IFT140: variants seen among roughly 807,000 people sequenced by gnomAD.
IFT140 encodes intraflagellar transport 140.
A neutral mutation model predicts 164.6 loss-of-function variants in IFT140; 133 were observed. That is an observed-to-expected ratio of 0.81 (90% CI 0.70 to 0.93). IFT140 has a LOEUF of 0.93. Ranked by LOEUF, IFT140 falls within the 40% of genes least tolerant of loss-of-function variation. The probability of loss-of-function intolerance (pLI) is 0.00; values close to 1 mark genes in which losing one functional copy is unlikely to be tolerated. For synonymous variants in IFT140, 860 were observed against 817.3 expected, an observed-to-expected ratio of 1.05 and a Z score of -0.89; for missense variants, 2,045 against 1,972.3, an observed-to-expected ratio of 1.04 and a Z score of -0.70.
intron 19 of IFT140, among the ~76,000 whole-genome samples, chr16:1,538,981 C>A (rs1328169903): frequency 6.6e-6 from 1 of 152,298 alleles, no homozygotes. Flanking sequence ...CTACCTCAGG[C>A]CTCACCAAGC....
chr16:1,537,085 C>T (rs1333625570), intron 19 of IFT140, among the ~76,000 whole-genome samples: 1 of 152,248 alleles, frequency 6.6e-6, no homozygotes, highest in African/African-American at 2.4e-5. Context: ...TAAAATCACC[C>T]AGCACGTATG....
At chr16:1,544,096 C>A (rs1356948040) in intron 19 of IFT140, among the ~76,000 whole-genome samples, 1 of 151,266 alleles carries the variant, frequency 6.6e-6, no homozygotes, top group Non-Finnish European at 1.5e-5. Context: ...CGGCTCACTG[C>A]AACCTCTGCC....
chr16:1,540,547 G>A (rs538497730), intron 19 of IFT140, among the ~76,000 whole-genome samples: 1 of 152,324 alleles, frequency 6.6e-6, no homozygotes, highest in Non-Finnish European at 1.5e-5. Flanking sequence ...AGTCACCCTA[G>A]AGGCCAGCAC....
In IFT140 at chr16:1,602,493, A is replaced by G. The variant is rs752449426; in HGVS notation, c.246T>C (p.Thr82=). Reference sequence around the variant, plus strand: ...GCTTGTTAAACACCGTCACTTCTCCAGTCTCCCAGCCCACAGCCAGCACCA... The same window carrying G: ...GCTTGTTAAACACCGTCACTTCTCCGGTCTCCCAGCCCACAGCCAGCACCA... ...TRLVLAVGWE[T]GEVTVFNKQD... is the part of the protein sequence containing the mutation. Residue 82 remains threonine (T), a synonymous_variant, in exon 4 of 31, where the codon ACT becomes ACC. Coordinates refer to ENST00000426508, the MANE Select transcript of IFT140 (RefSeq NM_014714.4). 6.2e-7 allele frequency: 1 copy of G among 1,614,032 alleles called. No homozygotes were observed. Among genetic ancestry groups the G allele is most frequent in the Non-Finnish European group, 8.5e-7 (1 of 1,180,032 alleles).
intron 19 of IFT140, among the ~76,000 whole-genome samples, chr16:1,530,281 C>T (rs761272687): frequency 7.3e-5 from 11 of 151,682 alleles, no homozygotes; most frequent in Non-Finnish European, 1.2e-4. Context: ...TACAGGCATG[C>T]GCCACCACAC....
chr16:1,588,720 G>C (rs1352221756), intron 7 of IFT140, among the ~76,000 whole-genome samples: 1 of 152,070 alleles, frequency 6.6e-6, no homozygotes. Context: ...ACCGGCCAGT[G>C]AGGAACTGAG....
chr16:1,587,232 C>A lies in IFT140; in HGVS notation c.975G>T (p.Glu325Asp), dbSNP rs1330112951. Residue 325 changes from glutamate to aspartate, a missense_variant, in exon 9 of 31, where the codon GAG (glutamate) becomes GAT (aspartate). Physicochemically the swap from Glu to Asp is conservative, Grantham distance 45. Coordinates refer to ENST00000426508, the MANE Select transcript of IFT140 (RefSeq NM_014714.4). ...TACAGTAACACACACAGTTCATATT[C>A]TCTCCTTTCTCAAAGCCAAACTTCT... ...PDEKFGFEKGENMNCVCYCKV... is the reference protein window; with the variant it reads ...PDEKFGFEKGDNMNCVCYCKV... 3 of 1,612,278 alleles carry A rather than the reference C, an allele frequency of 1.9e-6. No individual in the cohort carries two copies. The highest frequency in any genetic ancestry group is 3.3e-5 in the Admixed American group (2 of 60,022).
At chr16:1,544,448 G>A (rs2031966331) in intron 19 of IFT140, among the ~76,000 whole-genome samples, 2 of 151,894 alleles carry the variant, frequency 1.3e-5, no homozygotes, top group Admixed American at 6.6e-5. Context: ...GCCTCCCAAA[G>A]TGCTAGGATT....
intron 19 of IFT140, chr16:1,557,700 T>A: frequency 1.8e-6 from 1 of 544,006 alleles, no homozygotes; most frequent in Non-Finnish European, 3.3e-6. Flanking sequence ...AACTTTCCAC[T>A]AGGAAGCAGC....
At chr16:1,540,064 G>A (rs1436958315) in intron 19 of IFT140, among the ~76,000 whole-genome samples, 5 of 152,176 alleles carry the variant, frequency 3.3e-5, no homozygotes, top group African/African-American at 7.2e-5. Flanking sequence ...TGGGTAGGAC[G>A]GCGGGGGGAC....
At chr16:1,530,352 C>T (rs1459800573) in intron 19 of IFT140, among the ~76,000 whole-genome samples, 2 of 151,906 alleles carry the variant, frequency 1.3e-5, no homozygotes, top group African/African-American at 2.4e-5. Context: ...AGGATGGTCT[C>T]GATCTCTTGA....
intron 4 of IFT140, among the ~76,000 whole-genome samples, chr16:1,601,247 G>C (rs1447194203): frequency 6.9e-6 from 1 of 145,684 alleles, no homozygotes; most frequent in Non-Finnish European, 1.5e-5. Flanking sequence ...CTGGGCGACA[G>C]AGCAAGATTC....
In IFT140 at chr16:1,511,322, G is replaced by A. The variant is rs67356424; in HGVS notation, c.4183-172C>T. 0.094 allele frequency among the ~76,000 whole-genome samples: 14,274 copies of A among 152,288 alleles called. 892 individuals are homozygous for A. Among genetic ancestry groups the A allele is most frequent in the African/African-American group, 0.16 (6,742 of 41,550 alleles). On this transcript the variant is annotated intron_variant, in intron 30 of 30. Coordinates refer to ENST00000426508, the MANE Select transcript of IFT140 (RefSeq NM_014714.4). ...TGGTGATGGGGGAATGTGGTGATGA[G>A]GGGATGCGGTGCCCGCGGACCGCAC... is the stretch of plus-strand genomic sequence containing the variant.
Position 1,564,364 on chromosome 16 carries a change from T to A in IFT140, c.1902-202A>T, listed in dbSNP as rs2033598179. Among the ~76,000 whole-genome samples, 1 of 152,044 alleles carries A rather than the reference T, an allele frequency of 6.6e-6. No individual in the cohort carries two copies. Among genetic ancestry groups the A allele is most frequent in the South Asian group, 2.1e-4 (1 of 4,816 alleles). On this transcript the variant is annotated intron_variant, in intron 16 of 30. Transcript: ENST00000426508. This position sits in a 1 kb window ranked among gnomAD's most constrained non-coding sequence, Gnocchi z 5.5. The stretch of plus-strand genomic sequence containing the variant: ...CAGATTTTAACAACTGGGCTAAGGG[T>A]CCGAGCAAAGCCCAGTTTGAAAGAA...
chr16:1,579,001 C>T (rs2034418302), intron 13 of IFT140, among the ~76,000 whole-genome samples: 1 of 152,216 alleles, frequency 6.6e-6, no homozygotes, highest in Non-Finnish European at 1.5e-5. Flanking sequence ...ATGTGAGTTA[C>T]AGCGCTCGGC....
rs1171782012 is a variant in IFT140, at chr16:1,562,010, A to G, written c.2174T>C (p.Val725Ala). Residue 725 changes from valine (V) to alanine (A), a missense_variant, in exon 18 of 31, where the codon GTG (valine) becomes GCG (alanine). Transcript: ENST00000426508. ...ATSHSLLGME[V>A]PYYYFTRKPE... ...CTTTCTTGTGAAGTAGTAATAAGGC[A>G]CTTCCATCCCCAGGAGACTGTGGGA... is the stretch of plus-strand genomic sequence containing the variant. 26 of 1,609,152 alleles carry G rather than the reference A, an allele frequency of 1.6e-5. No individual in the cohort carries two copies. Among genetic ancestry groups the G allele is most frequent in the Non-Finnish European group, 2.0e-5 (24 of 1,178,016 alleles).
chr16:1,571,077 T>C (rs112778450), intron 14 of IFT140, among the ~76,000 whole-genome samples: 2 of 152,306 alleles, frequency 1.3e-5, no homozygotes, highest in African/African-American at 4.8e-5. Flanking sequence ...TTTAAACATT[T>C]GTATACATTA....
At chr16:1,584,501 A>G in intron 10 of IFT140, 81 bp from the exon 11 acceptor site, 1 of 1,092,048 alleles carries the variant, frequency 9.2e-7, no homozygotes, top group Non-Finnish European at 1.3e-6. Context: ...ATACTTACAC[A>G]CACGAGAACT....
chr16:1,592,454 GC>G lies in IFT140; in HGVS notation c.491+12del. The G allele has an allele frequency of 6.2e-7, 1 of 1,613,810 alleles. No homozygotes were observed. The highest frequency in any genetic ancestry group is 8.5e-7 in the Non-Finnish European group (1 of 1,179,780). ...AACACACACACAGGTCACAGGGCAA[GC>G]CCCACACTTACTCGCCAGGAGGGGG... On this transcript the variant is annotated intron_variant, in intron 5 of 30. Coordinates refer to ENST00000426508, the MANE Select transcript of IFT140 (RefSeq NM_014714.4).
Sources: allele counts gnomAD v4.1 joint callset (sites outside exome capture counted in the v4.1 genomes callset), GRCh38; gene constraint gnomAD v4.1.1; non-coding constraint Gnocchi (gnomAD v3.1); transcripts MANE v1.5; gene names NCBI Gene and HGNC (gene_info 2026-07-23, HGNC 2026-07-21).